DAPK1: variants seen among roughly 807,000 people sequenced by gnomAD.
The protein encoded by DAPK1 is death associated protein kinase 1.
A neutral mutation model predicts 144.9 loss-of-function variants in DAPK1; 56 were observed. The ratio of observed to expected loss-of-function variants is 0.39; its 90% CI spans 0.31 to 0.48. The LOEUF (loss-of-function observed/expected upper bound fraction) is 0.48. Among genes scored for constraint, DAPK1 ranks in the 20% least tolerant of loss-of-function variants. The pLI is 0.95. For synonymous variants in DAPK1, 690 were observed against 749.0 expected, an observed-to-expected ratio of 0.92 and a Z score of 1.29; for missense variants, 1,454 against 1,875.4, an observed-to-expected ratio of 0.78 and a Z score of 4.15.
chr9:87,553,250 G>T (rs918872537), intron 2 of DAPK1, among the ~76,000 whole-genome samples: 1 of 150,652 alleles, frequency 6.6e-6, no homozygotes, highest in Non-Finnish European at 1.5e-5. Flanking sequence ...ATGTGGGGGG[G>T]GTTGGGTGAT....
At chr9:87,553,774 G>A (rs944406664) in intron 2 of DAPK1, 7 of 152,334 alleles carry the variant, frequency 4.6e-5, no homozygotes, top group African/African-American at 1.7e-4. Context: ...GGGATTACAG[G>A]CGTGAGCCAC....
intron 19 of DAPK1, among the ~76,000 whole-genome samples, chr9:87,671,420 A>C (rs1824141403): frequency 6.6e-6 from 1 of 151,974 alleles, no homozygotes; most frequent in African/African-American, 2.4e-5. Context: ...TATAAAATAC[A>C]AAATATTATT....
intron 2 of DAPK1, among the ~76,000 whole-genome samples, chr9:87,603,799 C>T (rs927184678): frequency 5.9e-5 from 9 of 152,174 alleles, no homozygotes; most frequent in Non-Finnish European, 1.2e-4. Flanking sequence ...CGCTGACTAT[C>T]AGTGGGGCCT....
intron 3 of DAPK1, among the ~76,000 whole-genome samples, chr9:87,630,010 G>A (rs1291565487): frequency 2.6e-5 from 4 of 152,108 alleles, no homozygotes; most frequent in Admixed American, 1.3e-4. Flanking sequence ...GAGAGACCAC[G>A]CAGAGACATG....
intron 2 of DAPK1, among the ~76,000 whole-genome samples, chr9:87,527,895 G>A (rs1240224776): frequency 2.0e-5 from 3 of 152,222 alleles, no homozygotes; most frequent in Non-Finnish European, 4.4e-5. Context: ...CCTTGTCTGC[G>A]AACAATTGTT....
intron 2 of DAPK1, among the ~76,000 whole-genome samples, chr9:87,510,790 T>C (rs138697234): frequency 6.6e-6 from 1 of 152,300 alleles, no homozygotes; most frequent in African/African-American, 2.4e-5. Flanking sequence ...ACACATTAGC[T>C]GTTACTTTGG....
At chr9:87,518,838 T>A (rs1166597674) in intron 2 of DAPK1, among the ~76,000 whole-genome samples, 1 of 152,022 alleles carries the variant, frequency 6.6e-6, no homozygotes, top group Non-Finnish European at 1.5e-5. Context: ...CTGTAAAATG[T>A]TAGATGAACT....
rs916433216 is a variant in DAPK1, at chr9:87,527,993, C to T, written c.62+28854C>T. 2.0e-5 allele frequency among the ~76,000 whole-genome samples: 3 copies of T among 152,368 alleles called. No individual in the cohort carries two copies. In the East Asian group the frequency reaches 5.8e-4, roughly 29 times the overall value. On this transcript the variant is annotated intron_variant, in intron 2 of 25. Coordinates refer to ENST00000408954, the MANE Select transcript of DAPK1 (RefSeq NM_004938.4). ...ATTTCAGAAACCTTTTGATTGCACA[C>T]ATGCATCCCACAATGTTTCATACAC...
intron 18 of DAPK1, among the ~76,000 whole-genome samples, chr9:87,663,744 C>T (rs999731034): frequency 1.3e-5 from 2 of 152,214 alleles, no homozygotes; most frequent in East Asian, 1.9e-4. Context: ...CAGCCTCACA[C>T]AGCACCTTCA....
At chr9:87,674,995 C>T (rs1223284718) in intron 19 of DAPK1, among the ~76,000 whole-genome samples, 1 of 152,140 alleles carries the variant, frequency 6.6e-6, no homozygotes, top group African/African-American at 2.4e-5. Flanking sequence ...ACTGCAGAGA[C>T]CACAGTGAAC....
chr9:87,647,050 C>T (rs1830291987), intron 13 of DAPK1, among the ~76,000 whole-genome samples: 1 of 151,886 alleles, frequency 6.6e-6, no homozygotes, highest in Non-Finnish European at 1.5e-5. Context: ...TTTTGATTTA[C>T]AAAAAAAAGT....
intron 2 of DAPK1, among the ~76,000 whole-genome samples, chr9:87,576,476 G>A (rs1275120042): frequency 6.6e-6 from 1 of 152,194 alleles, no homozygotes; most frequent in Non-Finnish European, 1.5e-5. Context: ...GGTGACTGGT[G>A]AGCCTTAGTT....
intron 2 of DAPK1, among the ~76,000 whole-genome samples, chr9:87,536,988 CTTTTT>C (rs531877877): frequency 7.0e-6 from 1 of 142,384 alleles, no homozygotes; most frequent in African/African-American, 2.6e-5. Context: ...ATGAAGTTTT[CTTTTT>C]TTTTTTTTTC....
chr9:87,512,073 A>G (rs1271203986), intron 2 of DAPK1, among the ~76,000 whole-genome samples: 3 of 151,866 alleles, frequency 2.0e-5, no homozygotes, highest in Non-Finnish European at 4.4e-5. Flanking sequence ...TTGTTTGTTT[A>G]TTTTTTTAGA....
intron 21 of DAPK1, among the ~76,000 whole-genome samples, chr9:87,695,090 A>G (rs1210186075): frequency 1.3e-5 from 2 of 152,178 alleles, no homozygotes; most frequent in African/African-American, 4.8e-5. Context: ...GTGGCAGCAC[A>G]GAGAGAAGAG....
At chr9:87,556,024 A>C (rs1442371916) in intron 2 of DAPK1, among the ~76,000 whole-genome samples, 1 of 152,242 alleles carries the variant, frequency 6.6e-6, no homozygotes, top group African/African-American at 2.4e-5. Context: ...AGGTATTATG[A>C]AGGAAGAAGC....
At chr9:87,615,933 G>C (rs1446135117) in intron 3 of DAPK1, among the ~76,000 whole-genome samples, 1 of 152,242 alleles carries the variant, frequency 6.6e-6, no homozygotes, top group African/African-American at 2.4e-5. Flanking sequence ...AGCCACTGTA[G>C]GATTTTGCCT....
chr9:87,645,999 TAACCAACCC>T lies in DAPK1; in HGVS notation c.1120_1128del (p.Gln374_Asn376del). 1 of 1,614,076 alleles carries T rather than the reference TAACCAACCC, an allele frequency of 6.2e-7. No individual in the cohort carries two copies. The highest frequency in any genetic ancestry group is 8.5e-7 in the Non-Finnish European group (1 of 1,179,960). On this transcript the variant is annotated inframe_deletion, in exon 12 of 26. Coordinates refer to ENST00000408954, the MANE Select transcript of DAPK1 (RefSeq NM_004938.4). ...TGGGCTCATTATCCAACTATGATGTTAACCAACCCAACAAGGTCTGGTTCTGTTCTGCCG... is the reference window on the plus strand; with the variant it reads ...TGGGCTCATTATCCAACTATGATGTTAACAAGGTCTGGTTCTGTTCTGCCG...
At chr9:87,664,823 T>C (rs2119254352) in intron 18 of DAPK1, among the ~76,000 whole-genome samples, 1 of 152,298 alleles carries the variant, frequency 6.6e-6, no homozygotes, top group East Asian at 1.9e-4. Context: ...AAATGGGGGC[T>C]TCCCCAAGGA....
Sources: gnomAD v4.1 joint callset for allele counts (sites outside exome capture counted in the v4.1 genomes callset) on GRCh38, gnomAD v4.1.1 for gene constraint, MANE v1.5 for transcripts, NCBI Gene and HGNC (gene_info 2026-07-23, HGNC 2026-07-21) for gene names.